The following SLC39A14 variants were observed in gnomAD, a reference collection of about 807,000 sequenced individuals.
The protein encoded by SLC39A14 is solute carrier family 39 member 14.
Under a neutral mutation model 45.5 loss-of-function variants are expected in SLC39A14, and 19 were observed. The ratio of observed to expected loss-of-function variants is 0.42; its 90% CI spans 0.29 to 0.61. The LOEUF (loss-of-function observed/expected upper bound fraction) is 0.61. SLC39A14 is among the 20% of genes least tolerant of loss of function. The pLI, the probability that SLC39A14 is intolerant of heterozygous loss-of-function variation, is 0.22. For missense variants in SLC39A14, 447 were observed against 616.5 expected (o/e 0.73, Z 2.91); for synonymous variants, 264 against 251.3 (o/e 1.05, Z -0.48).
chr8:22,431,047 G>A (rs1024771750), intron 8 of SLC39A14, among the ~76,000 whole-genome samples: 7 of 150,730 alleles, frequency 4.6e-5, no homozygotes, highest in African/African-American at 1.7e-4. Context: ...GAGTGCAGTG[G>A]CGTGATCTCA....
Position 22,404,725 on chromosome 8 carries a change from G to A in SLC39A14, c.15G>A (p.Leu5=). Residue 5 remains leucine (L), a synonymous_variant, in exon 2 of 9, where the codon CTG becomes CTA. Transcript: ENST00000381237. ...ATTCAGTCACCATGAAGCTGCTGCTGCTGCACCCGGCCTTCCAGAGCTGCC... is the reference window on the plus strand; with the variant it reads ...ATTCAGTCACCATGAAGCTGCTGCTACTGCACCCGGCCTTCCAGAGCTGCC... MKLL[L]LHPAFQSCLL... 6.4e-7 allele frequency: 1 copy of A among 1,557,220 alleles called. No homozygotes were observed. The highest frequency in any genetic ancestry group is 8.8e-7 in the Non-Finnish European group (1 of 1,141,718).
chr8:22,375,131 C>T (rs1833142995), intron 1 of SLC39A14, among the ~76,000 whole-genome samples: 2 of 152,154 alleles, frequency 1.3e-5, no homozygotes, highest in African/African-American at 4.8e-5. Context: ...TGCCACCTTC[C>T]TTAGCCCTCA....
At chr8:22,431,993 T>C (rs1836473764) in intron 8 of SLC39A14, among the ~76,000 whole-genome samples, 2 of 152,164 alleles carry the variant, frequency 1.3e-5, no homozygotes, top group South Asian at 2.1e-4. Context: ...AGAAAAGACA[T>C]TGAGAAAGCA....
At chr8:22,396,358 C>T in intron 1 of SLC39A14, among the ~76,000 whole-genome samples, 1 of 130,604 alleles carries the variant, frequency 7.7e-6, no homozygotes. Flanking sequence ...CAGAGCAAGA[C>T]TCCATCTTAA....
At position 22,421,739 on chromosome 8, in the gene SLC39A14, C is replaced by A. The variant is rs992538119; in HGVS notation, c.*2041C>A. 1.0e-6 allele frequency: 1 copy of A among 984,692 alleles called. No individual in the cohort carries two copies. The highest frequency in any genetic ancestry group is 1.2e-6 in the Non-Finnish European group (1 of 829,020). 61.0% of individuals were successfully genotyped at this position (984,692 alleles called of 1,614,324 possible). A position where few individuals can be genotyped will look rare whatever the true frequency, so the allele number is the denominator to read the frequency against. ...TTTTAGCATTCCCAATAGATCCTATCATTCCTTAAACATAATACCCTTTGT... is the reference window on the plus strand; with the variant it reads ...TTTTAGCATTCCCAATAGATCCTATAATTCCTTAAACATAATACCCTTTGT... On this transcript the variant is annotated 3_prime_UTR_variant, in exon 9 of 9. Coordinates refer to ENST00000381237, the MANE Select transcript of SLC39A14 (RefSeq NM_001128431.4).
chr8:22,433,426 A>G (rs1342059451), intron 8 of SLC39A14, among the ~76,000 whole-genome samples: 1 of 150,778 alleles, frequency 6.6e-6, no homozygotes. Flanking sequence ...GCAAGAAAAT[A>G]GTGTAATATG....
intron 1 of SLC39A14, among the ~76,000 whole-genome samples, chr8:22,368,772 G>A (rs1234254726): frequency 2.0e-5 from 3 of 152,194 alleles, no homozygotes; most frequent in South Asian, 4.2e-4. Flanking sequence ...TCCTGACCTC[G>A]TGATCCGCCC....
At chr8:22,390,900 C>T (rs1030215053) in intron 1 of SLC39A14, among the ~76,000 whole-genome samples, 4 of 152,120 alleles carry the variant, frequency 2.6e-5, no homozygotes, top group South Asian at 2.1e-4. Context: ...AACAGTCCCG[C>T]GGGGAGAGCC....
chr8:22,384,109 A>G (rs1238689618), intron 1 of SLC39A14, among the ~76,000 whole-genome samples: 1 of 152,068 alleles, frequency 6.6e-6, no homozygotes, highest in Non-Finnish European at 1.5e-5. Context: ...TGGTGTGTGC[A>G]GTGGCTCTGC....
intron 1 of SLC39A14, among the ~76,000 whole-genome samples, chr8:22,369,988 C>T (rs1832842315): frequency 6.6e-6 from 1 of 152,114 alleles, no homozygotes; most frequent in Non-Finnish European, 1.5e-5. Flanking sequence ...CAGGGATTGT[C>T]CCACAGATCA....
At chr8:22,385,905 G>A (rs1459853038) in intron 1 of SLC39A14, among the ~76,000 whole-genome samples, 1 of 152,144 alleles carries the variant, frequency 6.6e-6, no homozygotes, top group Non-Finnish European at 1.5e-5. Context: ...TGGAGGGGTT[G>A]AAGCAAGGAA....
chr8:22,380,156 G>A (rs1833429862), intron 1 of SLC39A14, among the ~76,000 whole-genome samples: 1 of 152,092 alleles, frequency 6.6e-6, no homozygotes, highest in African/African-American at 2.4e-5. Flanking sequence ...TGTAGATTTT[G>A]GTATCCTGGA....
downstream of SLC39A14, among the ~76,000 whole-genome samples, chr8:22,423,960 C>T (rs1836337917): frequency 6.8e-6 from 1 of 147,798 alleles, no homozygotes; most frequent in Admixed American, 6.8e-5. Context: ...CGAGCACTAC[C>T]ATGCCTGATT....
intron 4 of SLC39A14, 146 bp from the exon 5 acceptor site, chr8:22,414,634 C>A: frequency 2.5e-6 from 2 of 785,074 alleles, no homozygotes; most frequent in Non-Finnish European, 3.9e-6. Flanking sequence ...TAGATTTTTG[C>A]TGGAAAGAGG....
Position 22,421,820 on chromosome 8 carries a change from C to T in SLC39A14, c.*2122C>T, listed in dbSNP as rs761285995. ...GGATTTCTAGTTTAGGAGAGGAGCT[C>T]AAAACTATAATCTTTAACAAATTGA... On this transcript the variant is annotated 3_prime_UTR_variant, in exon 9 of 9. Transcript: ENST00000381237. 7.1e-6 allele frequency: 7 copies of T among 985,134 alleles called. No individual in the cohort carries two copies. The African/African-American group carries it at 1.0e-4, about 15-fold the overall frequency. 61.0% of individuals were successfully genotyped at this position (985,134 alleles called of 1,614,324 possible).
chr8:22,392,282 C>G (rs544671888), intron 1 of SLC39A14, among the ~76,000 whole-genome samples: 2 of 152,268 alleles, frequency 1.3e-5, no homozygotes, highest in East Asian at 3.9e-4. Flanking sequence ...AGCCTTTAAG[C>G]TCTGTCTTGA....
intron 1 of SLC39A14, among the ~76,000 whole-genome samples, chr8:22,403,473 A>G (rs1586711537): frequency 7.1e-6 from 1 of 141,056 alleles, no homozygotes; most frequent in African/African-American, 2.7e-5. Flanking sequence ...TAGAGATGGG[A>G]TTTTACCATG....
At chr8:22,397,541 GCACTC>G (rs1339795451) in intron 1 of SLC39A14, among the ~76,000 whole-genome samples, 4 of 152,052 alleles carry the variant, frequency 2.6e-5, no homozygotes, top group African/African-American at 9.6e-5. Flanking sequence ...TAGCGCCGCT[GCACTC>G]CGGCCTGGGC....
chr8:22,376,645 C>T (rs1234416989), intron 1 of SLC39A14, among the ~76,000 whole-genome samples: 7 of 151,916 alleles, frequency 4.6e-5, no homozygotes, highest in African/African-American at 1.5e-4. Context: ...TTTGGGAGGC[C>T]GAGGCAGGCA....
Sources: gnomAD v4.1 joint callset for allele counts (sites outside exome capture counted in the v4.1 genomes callset) on GRCh38, gnomAD v4.1.1 for gene constraint, MANE v1.5 for transcripts, NCBI Gene and HGNC (gene_info 2026-07-23, HGNC 2026-07-21) for gene names.